Variants in RNF121 observed in about 807,000 individuals in gnomAD.
RNF121 encodes ring finger protein 121.
In RNF121, 21 loss-of-function variants were observed where a neutral mutation model predicts 46.5. That is an observed-to-expected ratio of 0.45 (90% CI 0.32 to 0.65). RNF121 has a LOEUF of 0.65. RNF121 is among the 30% of genes least tolerant of loss of function. The pLI is 0.04. For synonymous variants in RNF121, 139 were observed against 144.7 expected (o/e 0.96, Z 0.28); for missense variants, 346 against 416.0 (o/e 0.83, Z 1.46).
At chr11:71,973,453 T>C (rs1954462143) in intron 3 of RNF121, among the ~76,000 whole-genome samples, 1 of 152,022 alleles carries the variant, frequency 6.6e-6, no homozygotes. Context: ...ATTGTGCCAC[T>C]GCACTCCAGC....
intron 1 of RNF121, among the ~76,000 whole-genome samples, chr11:71,930,510 G>C (rs1953253197): frequency 6.8e-6 from 1 of 147,272 alleles, no homozygotes; most frequent in South Asian, 2.2e-4. Context: ...GATTTTTAAA[G>C]AAGTGTTGTA....
intron 3 of RNF121, among the ~76,000 whole-genome samples, chr11:71,981,978 G>A (rs996373474): frequency 5.3e-5 from 8 of 152,172 alleles, no homozygotes; most frequent in Non-Finnish European, 1.0e-4. Context: ...GCCTGGAAAG[G>A]AGACTAGACG....
At chr11:71,968,855 C>T (rs1954351344) in intron 3 of RNF121, among the ~76,000 whole-genome samples, 1 of 151,016 alleles carries the variant, frequency 6.6e-6, no homozygotes, top group African/African-American at 2.4e-5. Flanking sequence ...GATTTTGGTA[C>T]ATCCTCCTAG....
At chr11:71,958,609 C>T (rs1249380829) in intron 2 of RNF121, among the ~76,000 whole-genome samples, 1 of 151,960 alleles carries the variant, frequency 6.6e-6, no homozygotes, top group Non-Finnish European at 1.5e-5. Flanking sequence ...ACCTGTAATC[C>T]CAGCACTTTG....
At position 71,994,828 on chromosome 11, in the gene RNF121, C is replaced by T. The variant is rs368054102; in HGVS notation, c.737C>T (p.Thr246Met). 9 of 1,614,086 alleles carry T rather than the reference C, an allele frequency of 5.6e-6. No individual in the cohort carries two copies. Among genetic ancestry groups the T allele is most frequent in the African/African-American group, 1.3e-5 (1 of 74,926 alleles). The change falls in exon 7 of 9, where the codon ACG (threonine) becomes ATG (methionine). Residue 246 changes from threonine to methionine, a missense_variant. Physicochemically the swap from Thr to Met is moderately conservative, Grantham distance 81. Transcript: ENST00000361756. ...DVSEEGIIENTYRLSCNHVFH... is the reference protein window; with the variant it reads ...DVSEEGIIENMYRLSCNHVFH... The stretch of plus-strand genomic sequence containing the variant: ...AGTGAAGAGGGGATCATTGAGAACA[C>T]GTATAGGCTGTCCTGCAATCATGTG...
intron 1 of RNF121, among the ~76,000 whole-genome samples, chr11:71,951,548 C>T (rs747638953): frequency 6.6e-6 from 1 of 151,288 alleles, no homozygotes; most frequent in Non-Finnish European, 1.5e-5. Context: ...ATTGCTTGAG[C>T]CCAGGGATTT....
chr11:71,967,003 C>G (rs2134184919), intron 3 of RNF121, among the ~76,000 whole-genome samples: 1 of 148,606 alleles, frequency 6.7e-6, no homozygotes, highest in Non-Finnish European at 1.5e-5. Flanking sequence ...TCCCGAGTAG[C>G]TGGGACTACA....
intron 1 of RNF121, among the ~76,000 whole-genome samples, chr11:71,932,026 C>G (rs1051525617): frequency 3.3e-5 from 5 of 152,182 alleles, no homozygotes; most frequent in East Asian, 1.9e-4. Context: ...TAGCATGATA[C>G]GTAGTCTGGA....
intron 3 of RNF121, among the ~76,000 whole-genome samples, chr11:71,973,135 G>A (rs911390970): frequency 2.0e-5 from 3 of 151,660 alleles, no homozygotes; most frequent in South Asian, 2.1e-4. Flanking sequence ...GTGGTGAGCC[G>A]AGACTGTGCC....
At position 71,949,279 on chromosome 11, in the gene RNF121, G is replaced by A. The variant is rs1341700698; in HGVS notation, c.64-7948G>A. Among the ~76,000 whole-genome samples, 2 of 152,182 alleles carry A rather than the reference G, an allele frequency of 1.3e-5. 1 individual carries two copies. The highest frequency in any genetic ancestry group is 2.9e-5 in the Non-Finnish European group (2 of 68,028). ...CAAAAAATTTAAGAATTAGCTGGGT[G>A]TGGTGGCACGTGCCTATAGTCCCAG... On this transcript the variant is annotated intron_variant, in intron 1 of 8. Transcript: ENST00000361756.
intron 3 of RNF121, among the ~76,000 whole-genome samples, chr11:71,981,949 G>T (rs747071037): frequency 3.3e-5 from 5 of 152,132 alleles, no homozygotes; most frequent in Non-Finnish European, 5.9e-5. Context: ...TGCGTTTGGA[G>T]CACTAGAAAG....
intron 3 of RNF121, 76 bp from the exon 4 acceptor site, chr11:71,982,685 C>G (rs1375679776): frequency 5.5e-6 from 8 of 1,449,578 alleles, no homozygotes; most frequent in Non-Finnish European, 7.4e-6. Flanking sequence ...AAATAGAAAA[C>G]AAGCTGCATT....
intron 3 of RNF121, among the ~76,000 whole-genome samples, chr11:71,982,557 G>A (rs973131918): frequency 2.0e-5 from 3 of 152,188 alleles, no homozygotes; most frequent in African/African-American, 7.2e-5. Flanking sequence ...ATATCCAAGA[G>A]ATAGTTGAGT....
At chr11:71,952,047 A>C (rs1953892403) in intron 1 of RNF121, among the ~76,000 whole-genome samples, 1 of 152,238 alleles carries the variant, frequency 6.6e-6, no homozygotes, top group African/African-American at 2.4e-5. Context: ...ATTATTTATA[A>C]TAGCCAAAAA....
intron 1 of RNF121, among the ~76,000 whole-genome samples, chr11:71,932,431 C>T (rs902614516): frequency 6.6e-6 from 1 of 152,240 alleles, no homozygotes; most frequent in Non-Finnish European, 1.5e-5. Flanking sequence ...CCATGCTATA[C>T]TGAGCACCTG....
intron 3 of RNF121, 119 bp downstream of exon 3, chr11:71,961,010 C>A: frequency 8.8e-7 from 1 of 1,135,490 alleles, no homozygotes; most frequent in South Asian, 1.5e-5. Flanking sequence ...TAACAATGAA[C>A]TTTATGTATG....
At chr11:71,985,776 A>G (rs927401503) in intron 4 of RNF121, among the ~76,000 whole-genome samples, 3 of 152,080 alleles carry the variant, frequency 2.0e-5, no homozygotes, top group Admixed American at 2.0e-4. Context: ...GATGACAGGG[A>G]CCTACTCTTG....
At chr11:71,975,324 C>A (rs146272073) in intron 3 of RNF121, among the ~76,000 whole-genome samples, 1 of 152,330 alleles carries the variant, frequency 6.6e-6, no homozygotes, top group Admixed American at 6.5e-5. Flanking sequence ...TCCTTTGAGT[C>A]TCATCTACCT....
intron 1 of RNF121, among the ~76,000 whole-genome samples, chr11:71,955,226 G>A (rs1030052354): frequency 6.6e-6 from 1 of 152,166 alleles, no homozygotes; most frequent in African/African-American, 2.4e-5. Context: ...CTATCCTGGT[G>A]CTAGAGACAA....
Sources: gnomAD v4.1 joint callset for allele counts (sites outside exome capture counted in the v4.1 genomes callset) on GRCh38, gnomAD v4.1.1 for gene constraint, MANE v1.5 for transcripts, NCBI Gene and HGNC (gene_info 2026-07-23, HGNC 2026-07-21) for gene names.